DENND1A: variants seen among roughly 807,000 people sequenced by gnomAD.
The protein encoded by DENND1A is DENN domain containing 1A.
In DENND1A, 51 loss-of-function variants were observed where a neutral mutation model predicts 113.7. The observed-to-expected ratio is 0.45, with a 90% CI of 0.36 to 0.57. The LOEUF (loss-of-function observed/expected upper bound fraction) is 0.57, where lower values mean the gene tolerates loss of function less well. Ranked by LOEUF, DENND1A falls within the 20% of genes least tolerant of loss-of-function variation. DENND1A has a pLI of 0.00. For missense variants in DENND1A, 1,258 were observed against 1,395.9 expected (o/e 0.90, Z 1.57); for synonymous variants, 565 against 570.8 (o/e 0.99, Z 0.14).
At chr9:123,630,965 T>C (rs2061450422) in intron 9 of DENND1A, among the ~76,000 whole-genome samples, 1 of 152,210 alleles carries the variant, frequency 6.6e-6, no homozygotes, top group South Asian at 2.1e-4. Context: ...AAAAATATCT[T>C]TTAATGATAC....
At chr9:123,859,466 T>C (rs1223604583) in intron 2 of DENND1A, among the ~76,000 whole-genome samples, 4 of 151,472 alleles carry the variant, frequency 2.6e-5, no homozygotes, top group Non-Finnish European at 4.4e-5. Flanking sequence ...GATTAGCAAA[T>C]AGGTTCAGAG....
intron 1 of DENND1A, chr9:123,928,467 A>G (rs1857473578): frequency 1.3e-6 from 1 of 787,868 alleles, no homozygotes; most frequent in South Asian, 5.8e-5. Flanking sequence ...CCAATGTTTC[A>G]CAAACGACAT....
rs77045326 is a variant in DENND1A at position 123,504,545 on chromosome 9, G to T, written c.994-46648C>A. 7.5e-3 allele frequency among the ~76,000 whole-genome samples: 1,141 copies of T among 152,292 alleles called. 16 individuals carry two copies. Among genetic ancestry groups the T allele is most frequent in the African/African-American group, 0.026 (1,067 of 41,552 alleles). ...CAGTTAAAAAATTTTTCATTTCTCAGAATATAAATCCTTAGCATCTGACTA... is the reference window on the plus strand; with the variant it reads ...CAGTTAAAAAATTTTTCATTTCTCATAATATAAATCCTTAGCATCTGACTA... On this transcript the variant is annotated intron_variant, in intron 13 of 23. Coordinates refer to ENST00000394215, the MANE Select transcript of DENND1A (RefSeq NM_001352964.2).
chr9:123,474,603 ACTGT>A (rs1452064336), intron 13 of DENND1A, among the ~76,000 whole-genome samples: 4 of 152,308 alleles, frequency 2.6e-5, no homozygotes, highest in Admixed American at 6.5e-5. Flanking sequence ...AAGGTGGGAA[ACTGT>A]CTGGTGTTGG....
intron 12 of DENND1A, among the ~76,000 whole-genome samples, chr9:123,569,786 T>G (rs896889230): frequency 2.0e-5 from 3 of 152,010 alleles, no homozygotes; most frequent in Admixed American, 6.6e-5. Flanking sequence ...AGACGTGGGG[T>G]GGGGGAAAGC....
intron 11 of DENND1A, among the ~76,000 whole-genome samples, chr9:123,584,862 C>T (rs2059086369): frequency 6.6e-6 from 1 of 152,172 alleles, no homozygotes; most frequent in South Asian, 2.1e-4. Context: ...CTGCCTGCCT[C>T]CCCTGCTGGG....
intron 13 of DENND1A, among the ~76,000 whole-genome samples, chr9:123,523,894 G>A (rs1408742361): frequency 6.6e-6 from 1 of 152,150 alleles, no homozygotes; most frequent in African/African-American, 2.4e-5. Flanking sequence ...GTTTCTATGA[G>A]GTGATCATGG....
At chr9:123,926,420 A>G (rs1407197555) in intron 1 of DENND1A, among the ~76,000 whole-genome samples, 2 of 152,132 alleles carry the variant, frequency 1.3e-5, no homozygotes, top group East Asian at 1.9e-4. Flanking sequence ...AAAGAAAATT[A>G]GCCAGGCATG....
At chr9:123,729,648 T>C (rs1589837639) in intron 5 of DENND1A, among the ~76,000 whole-genome samples, 2 of 152,168 alleles carry the variant, frequency 1.3e-5, no homozygotes, top group South Asian at 4.1e-4. Flanking sequence ...TCCTCATGGA[T>C]AGAAGAATCA....
At chr9:123,811,673 G>A (rs553674034) in intron 2 of DENND1A, among the ~76,000 whole-genome samples, 1 of 152,156 alleles carries the variant, frequency 6.6e-6, no homozygotes, top group South Asian at 2.1e-4. Flanking sequence ...GCAGGAGAAC[G>A]GCGTGAACCT....
At chr9:123,652,477 T>C (rs545603057) in intron 8 of DENND1A, among the ~76,000 whole-genome samples, 1 of 152,126 alleles carries the variant, frequency 6.6e-6, no homozygotes, top group Admixed American at 6.5e-5. Flanking sequence ...GATGGAACAG[T>C]CTAATAAGCA....
chr9:123,797,493 CAAG>C (rs1350752636), intron 2 of DENND1A, among the ~76,000 whole-genome samples: 6 of 152,082 alleles, frequency 3.9e-5, no homozygotes, highest in Admixed American at 3.3e-4. Flanking sequence ...TTTTAATCCT[CAAG>C]AAGAAAATTT....
intron 11 of DENND1A, among the ~76,000 whole-genome samples, chr9:123,591,347 C>T (rs1023623803): frequency 1.3e-5 from 2 of 152,242 alleles, no homozygotes; most frequent in African/African-American, 4.8e-5. Flanking sequence ...AAGCAAGCCA[C>T]AAGATGAAAG....
intron 5 of DENND1A, among the ~76,000 whole-genome samples, chr9:123,707,687 GTGGAAGCCTGAT>G (rs1216853395): frequency 6.6e-6 from 1 of 152,196 alleles, no homozygotes; most frequent in Non-Finnish European, 1.5e-5. Context: ...GGTGGTGGGA[GTGGAAGCCTGAT>G]TGGAATGACT....
At chr9:123,912,471 G>C (rs966635608) in intron 1 of DENND1A, among the ~76,000 whole-genome samples, 1 of 152,122 alleles carries the variant, frequency 6.6e-6, no homozygotes, top group East Asian at 1.9e-4. Flanking sequence ...GGACCAAAAA[G>C]GGCAGCTAAT....
chr9:123,878,849 A>G (rs1199887284), intron 2 of DENND1A, 102 bp downstream of exon 2: 1 of 1,190,102 alleles, frequency 8.4e-7, no homozygotes, highest in Non-Finnish European at 1.2e-6. Context: ...AAACATACTT[A>G]AAGACAAATA....
At chr9:123,641,437 A>AG (rs2062021188) in intron 9 of DENND1A, among the ~76,000 whole-genome samples, 1 of 42,532 alleles carries the variant, frequency 2.4e-5, no homozygotes, top group African/African-American at 1.4e-4. Flanking sequence ...ATGAAATGGC[A>AG]AAAAAAAAAA....
At chr9:123,728,468 ACTCTGTCTCCC>A (rs1564149712) in intron 5 of DENND1A, among the ~76,000 whole-genome samples, 1 of 124,600 alleles carries the variant, frequency 8.0e-6, no homozygotes, top group Non-Finnish European at 1.6e-5. Context: ...CAATTGCAAA[ACTCTGTCTCCC>A]AAAAAAAAAA....
At chr9:123,490,466 G>A (rs1391557992) in intron 13 of DENND1A, among the ~76,000 whole-genome samples, 1 of 152,098 alleles carries the variant, frequency 6.6e-6, no homozygotes, top group Non-Finnish European at 1.5e-5. Flanking sequence ...GGGGGCACCT[G>A]TAATCCCAGC....
Sources: gnomAD v4.1 joint callset for allele counts (sites outside exome capture counted in the v4.1 genomes callset) on GRCh38, gnomAD v4.1.1 for gene constraint, MANE v1.5 for transcripts, NCBI Gene and HGNC (gene_info 2026-07-23, HGNC 2026-07-21) for gene names.